Variants in SLC39A9 observed in about 807,000 individuals in gnomAD.
SLC39A9 encodes zinc transporter ZIP9.
A neutral mutation model predicts 28.4 loss-of-function variants in SLC39A9; 14 were observed. That is an observed-to-expected ratio of 0.49 (90% CI 0.33 to 0.77). The LOEUF is 0.77. SLC39A9 is among the 30% of genes least tolerant of loss of function. The pLI is 0.02. For missense variants in SLC39A9, 283 were observed against 381.1 expected (o/e 0.74, Z 2.14); for synonymous variants, 119 against 149.6 (o/e 0.80, Z 1.49).
intron 3 of SLC39A9, among the ~76,000 whole-genome samples, chr14:69,450,434 A>G (rs1012565728): frequency 1.3e-5 from 2 of 152,164 alleles, no homozygotes; most frequent in East Asian, 3.8e-4. Context: ...AGAAATTTCC[A>G]TTTAACGAAT....
At chr14:69,444,872 G>A (rs1885219703) in intron 3 of SLC39A9, among the ~76,000 whole-genome samples, 1 of 152,112 alleles carries the variant, frequency 6.6e-6, no homozygotes, top group African/African-American at 2.4e-5. Context: ...GAGAGGCTGA[G>A]GTAGGATGAT....
chr14:69,429,744 A>G (rs1463400561), intron 2 of SLC39A9, among the ~76,000 whole-genome samples: 1 of 152,232 alleles, frequency 6.6e-6, no homozygotes, highest in African/African-American at 2.4e-5. Flanking sequence ...GCTGGGTCAC[A>G]TGACAAATAT....
rs567719305 is a variant in SLC39A9, at chr14:69,455,324, G to A, written c.559-408G>A. 4.0e-5 allele frequency among the ~76,000 whole-genome samples: 6 copies of A among 151,830 alleles called. No individual in the cohort carries two copies. The East Asian group carries it at 1.2e-3, about 29-fold the overall frequency. On this transcript the variant is annotated intron_variant, in intron 5 of 6. Coordinates refer to ENST00000336643, the MANE Select transcript of SLC39A9 (RefSeq NM_018375.5). ...TTTTGGTTTTTTTTGTGTGTGTGTGGGTTTTTTGTTTTTTGTTTTTGAGAT... is the reference window on the plus strand; with the variant it reads ...TTTTGGTTTTTTTTGTGTGTGTGTGAGTTTTTTGTTTTTTGTTTTTGAGAT...
chr14:69,456,001 GTAAA>G, intron 6 of SLC39A9, 135 bp downstream of exon 6: 1 of 1,017,918 alleles, frequency 9.8e-7, no homozygotes, highest in South Asian at 1.8e-5. Context: ...ACTATACAGG[GTAAA>G]TATCTTAATT....
chr14:69,441,716 C>T (rs1885057698), intron 2 of SLC39A9: 5 of 777,950 alleles, frequency 6.4e-6, no homozygotes, highest in Non-Finnish European at 7.9e-6. Flanking sequence ...CAGAAAAAAA[C>T]AGTGTATTTT....
At position 69,424,219 on chromosome 14, in the gene SLC39A9, C is replaced by CATT; in HGVS notation, c.205+21_205+23dup. ...TTCTTGAGGGTGAGAAAGGGAAGAG[C>CATT]ATTATTTGAGATATGTTATTGACTT... On this transcript the variant is annotated intron_variant, in intron 2 of 6. Coordinates refer to ENST00000336643, the MANE Select transcript of SLC39A9 (RefSeq NM_018375.5). 2.6e-6 allele frequency: 4 copies of CATT among 1,567,354 alleles called. No homozygotes were observed. The highest frequency in any genetic ancestry group is 3.5e-6 in the Non-Finnish European group (4 of 1,138,048).
intron 3 of SLC39A9, among the ~76,000 whole-genome samples, chr14:69,446,991 G>T (rs1885358424): frequency 6.7e-6 from 1 of 149,376 alleles, no homozygotes; most frequent in African/African-American, 2.5e-5. Context: ...GAGAGCACTT[G>T]CTTATAGTAG....
chr14:69,417,114 T>C (rs1022831232), intron 1 of SLC39A9, among the ~76,000 whole-genome samples: 5 of 152,358 alleles, frequency 3.3e-5, no homozygotes, highest in African/African-American at 1.2e-4. Context: ...GGTGTAACAT[T>C]TAAGTCTTTA....
intron 1 of SLC39A9, among the ~76,000 whole-genome samples, chr14:69,408,951 A>G (rs1270345174): frequency 6.6e-6 from 1 of 152,240 alleles, no homozygotes; most frequent in Non-Finnish European, 1.5e-5. Flanking sequence ...GACACATGTC[A>G]ACTGATATGT....
intron 2 of SLC39A9, among the ~76,000 whole-genome samples, chr14:69,427,010 T>A (rs1480053794): frequency 6.8e-6 from 1 of 146,918 alleles, no homozygotes; most frequent in African/African-American, 2.6e-5. Context: ...CAAAATAATT[T>A]TTTTTTTTTT....
chr14:69,446,968 C>CGAGAGAGA (rs143464726), intron 3 of SLC39A9, among the ~76,000 whole-genome samples: 2 of 121,866 alleles, frequency 1.6e-5, no homozygotes, highest in African/African-American at 5.9e-5. Flanking sequence ...AGAGAGAGAG[C>CGAGAGAGA]GAGAGAGAGA....
intron 1 of SLC39A9, among the ~76,000 whole-genome samples, chr14:69,417,349 A>G (rs1233149019): frequency 2.0e-4 from 31 of 152,208 alleles, no homozygotes; most frequent in Admixed American, 2.0e-3. Flanking sequence ...TTTTGGTACC[A>G]GTACCATGCT....
At chr14:69,444,295 A>G (rs1334827319) in intron 3 of SLC39A9, among the ~76,000 whole-genome samples, 2 of 152,176 alleles carry the variant, frequency 1.3e-5, no homozygotes, top group East Asian at 1.9e-4. Context: ...TTCTACCTGT[A>G]CTCACCTCTA....
chr14:69,416,123 A>G (rs865890440), intron 1 of SLC39A9, among the ~76,000 whole-genome samples: 7 of 151,516 alleles, frequency 4.6e-5, no homozygotes, highest in Admixed American at 6.6e-5. Flanking sequence ...CCTGTGTCCA[A>G]GTGTTACCCC....
At chr14:69,411,211 CAAAAAAA>C (rs35337440) in intron 1 of SLC39A9, among the ~76,000 whole-genome samples, 5 of 74,766 alleles carry the variant, frequency 6.7e-5, no homozygotes, top group Admixed American at 3.0e-4. Flanking sequence ...GATTCCATCT[CAAAAAAA>C]AAAAAAAAAA....
chr14:69,413,414 G>A (rs77680788), intron 1 of SLC39A9, among the ~76,000 whole-genome samples: 18,751 of 151,780 alleles, frequency 0.12, 1,382 homozygotes, highest in Middle Eastern at 0.24. Context: ...TTTTAATTTT[G>A]CCATGTAAGG....
At chr14:69,442,852 A>G (rs1168784285) in intron 3 of SLC39A9, among the ~76,000 whole-genome samples, 2 of 152,258 alleles carry the variant, frequency 1.3e-5, no homozygotes, top group Non-Finnish European at 2.9e-5. Context: ...ACAAGGCAAC[A>G]TGTATGTCAA....
intron 3 of SLC39A9, among the ~76,000 whole-genome samples, chr14:69,443,879 A>G (rs962932435): frequency 6.6e-6 from 1 of 151,676 alleles, no homozygotes; most frequent in Non-Finnish European, 1.5e-5. Flanking sequence ...AAAAATAATA[A>G]TGATAATAAA....
intron 3 of SLC39A9, among the ~76,000 whole-genome samples, chr14:69,445,379 A>G (rs1317056316): frequency 6.6e-6 from 1 of 152,202 alleles, no homozygotes; most frequent in Non-Finnish European, 1.5e-5. Context: ...ACTTCCACTT[A>G]ATAGTAAATA....
Sources: gnomAD v4.1 joint callset for allele counts (sites outside exome capture counted in the v4.1 genomes callset) on GRCh38, gnomAD v4.1.1 for gene constraint, MANE v1.5 for transcripts, NCBI Gene and HGNC (gene_info 2026-07-23, HGNC 2026-07-21) for gene names.